AMN1: variants seen among roughly 807,000 people sequenced by gnomAD.
AMN1 encodes protein AMN1 homolog.
A neutral mutation model predicts 33.0 loss-of-function variants in AMN1; 20 were observed. The observed-to-expected ratio is 0.61, with a 90% confidence interval of 0.43 to 0.88. AMN1 has a LOEUF of 0.88. Among genes scored for constraint, AMN1 ranks in the 40% least tolerant of loss-of-function variants. The pLI, the probability that AMN1 is intolerant of heterozygous loss-of-function variation, is 0.00. For missense variants in AMN1, 246 were observed against 307.4 expected (o/e 0.80, Z 1.49); for synonymous variants, 114 against 111.9 (o/e 1.02, Z -0.12).
intron 1 of AMN1, among the ~76,000 whole-genome samples, chr12:31,717,353 A>C (rs937252869): frequency 6.6e-6 from 1 of 152,160 alleles, no homozygotes; most frequent in Non-Finnish European, 1.5e-5. Flanking sequence ...ATCACTGATG[A>C]GCATTTGAGT....
At chr12:31,693,953 G>C (rs1372452386) in intron 5 of AMN1, among the ~76,000 whole-genome samples, 1 of 152,104 alleles carries the variant, frequency 6.6e-6, no homozygotes, top group Non-Finnish European at 1.5e-5. Flanking sequence ...TTACAGAAGT[G>C]AGCCACCACA....
chr12:31,694,169 C>T (rs1030461269), intron 5 of AMN1, among the ~76,000 whole-genome samples: 9 of 150,208 alleles, frequency 6.0e-5, no homozygotes, highest in African/African-American at 1.7e-4. Flanking sequence ...GGGCTGGGTG[C>T]GGTGGCTCAC....
chr12:31,678,950 TCTC>T (rs1937872620), intron 6 of AMN1, among the ~76,000 whole-genome samples: 1 of 152,046 alleles, frequency 6.6e-6, no homozygotes, highest in Non-Finnish European at 1.5e-5. Flanking sequence ...AAAAATGAGT[TCTC>T]CTTTAAGCAA....
rs78522147 is a variant in AMN1 at position 31,703,189 on chromosome 12, A to G, written c.172-1182T>C. 1.6e-4 allele frequency among the ~76,000 whole-genome samples: 25 copies of G among 152,304 alleles called. No homozygotes were observed. The East Asian group carries it at 4.8e-3, about 29-fold the overall frequency. On this transcript the variant is annotated intron_variant, in intron 2 of 6. Transcript: ENST00000281471. ...CAACATAAAGAACATAGCCAAAAGGAGTGGAGCTGGGATTGGAACCCAGGT... is the reference window on the plus strand; with the variant it reads ...CAACATAAAGAACATAGCCAAAAGGGGTGGAGCTGGGATTGGAACCCAGGT...
At chr12:31,720,894 A>G (rs11837480) in intron 1 of AMN1, among the ~76,000 whole-genome samples, 142 of 152,350 alleles carry the variant, frequency 9.3e-4, no homozygotes, top group African/African-American at 3.4e-3. Flanking sequence ...CAAGTATTTG[A>G]GTACCCAGTT....
At chr12:31,688,146 G>C (rs912662094) in intron 6 of AMN1, among the ~76,000 whole-genome samples, 1 of 152,100 alleles carries the variant, frequency 6.6e-6, no homozygotes, top group Non-Finnish European at 1.5e-5. Context: ...TAGAGATGGG[G>C]TATCTTCATG....
At chr12:31,717,071 T>A (rs956968481) in intron 1 of AMN1, among the ~76,000 whole-genome samples, 9 of 152,124 alleles carry the variant, frequency 5.9e-5, no homozygotes, top group African/African-American at 1.9e-4. Context: ...AAGCCCCACA[T>A]GCATTGTCTA....
chr12:31,689,387 T>C (rs1459099574), intron 5 of AMN1, among the ~76,000 whole-genome samples: 1 of 152,254 alleles, frequency 6.6e-6, no homozygotes, highest in Non-Finnish European at 1.5e-5. Context: ...ATTGTTGATC[T>C]ACAGAGAATC....
chr12:31,672,592 G>T (rs532459632), intron 6 of AMN1: 22 of 351,722 alleles, frequency 6.3e-5, no homozygotes, highest in South Asian at 1.8e-4. Flanking sequence ...GGTATTACTT[G>T]TTTAAAAAAA....
At chr12:31,695,076 C>T (rs1225826277) in intron 5 of AMN1, among the ~76,000 whole-genome samples, 1 of 152,090 alleles carries the variant, frequency 6.6e-6, no homozygotes, top group Non-Finnish European at 1.5e-5. Context: ...CTTTGGAAAA[C>T]TGAAAAAATA....
At chr12:31,728,464 C>T (rs536201833) in intron 1 of AMN1, among the ~76,000 whole-genome samples, 67 of 152,248 alleles carry the variant, frequency 4.4e-4, no homozygotes, top group African/African-American at 1.5e-3. Flanking sequence ...GTTACGTTAC[C>T]GGTCCATGGT....
At chr12:31,722,226 G>A (rs1386371227) in intron 1 of AMN1, among the ~76,000 whole-genome samples, 3 of 151,622 alleles carry the variant, frequency 2.0e-5, no homozygotes, top group Admixed American at 1.3e-4. Context: ...TTCGGGTTAT[G>A]GTTTCATTGT....
chr12:31,680,490 C>G (rs1216399344), intron 6 of AMN1, among the ~76,000 whole-genome samples: 1 of 152,214 alleles, frequency 6.6e-6, no homozygotes, highest in Non-Finnish European at 1.5e-5. Flanking sequence ...GCGTGAGCCA[C>G]CATACACAGC....
intron 1 of AMN1, among the ~76,000 whole-genome samples, chr12:31,722,207 T>A (rs1939904340): frequency 6.6e-6 from 1 of 151,934 alleles, no homozygotes; most frequent in Non-Finnish European, 1.5e-5. Flanking sequence ...TTACAGTTGT[T>A]GACATTTTTT....
intron 3 of AMN1, among the ~76,000 whole-genome samples, chr12:31,700,523 G>T (rs1938946230): frequency 6.6e-6 from 1 of 152,096 alleles, no homozygotes. Context: ...AAACTGATAG[G>T]AGAGTACCTA....
chr12:31,672,457 GTTAA>G (rs1214235748), intron 6 of AMN1, 80 bp from the exon 7 acceptor site: 7 of 977,076 alleles, frequency 7.2e-6, no homozygotes, highest in Admixed American at 6.0e-5. Flanking sequence ...TGGAGGTGAT[GTTAA>G]TTATTATACA....
intron 1 of AMN1, 23 bp downstream of exon 1, chr12:31,728,948 G>A: frequency 1.9e-6 from 3 of 1,541,454 alleles, no homozygotes; most frequent in Non-Finnish European, 2.6e-6. Flanking sequence ...GGCGCGAAGG[G>A]AGGCGGGACA....
chr12:31,714,843 A>G (rs1440334061), intron 1 of AMN1: 1 of 882,944 alleles, frequency 1.1e-6, no homozygotes, highest in African/African-American at 1.8e-5. Flanking sequence ...GCTCTACCTG[A>G]AACAAATATA....
chr12:31,716,757 C>T (rs1289053165), intron 1 of AMN1, among the ~76,000 whole-genome samples: 3 of 152,092 alleles, frequency 2.0e-5, no homozygotes, highest in South Asian at 2.1e-4. Context: ...TTGTTATATA[C>T]GTTGCAAATA....
Sources: gnomAD v4.1 joint callset for allele counts (sites outside exome capture counted in the v4.1 genomes callset) on GRCh38, gnomAD v4.1.1 for gene constraint, MANE v1.5 for transcripts, NCBI Gene and HGNC (gene_info 2026-07-23, HGNC 2026-07-21) for gene names.